The following RBFOX3 variants were observed in gnomAD, a reference collection of about 807,000 sequenced individuals.
The protein encoded by RBFOX3 is RNA binding protein fox-1 homolog 3.
In RBFOX3, 17 loss-of-function variants were observed where a neutral mutation model predicts 48.7. The ratio of observed to expected loss-of-function variants is 0.35; its 90% CI spans 0.24 to 0.52. RBFOX3 has a LOEUF of 0.52. Among genes scored for constraint, RBFOX3 ranks in the 20% least tolerant of loss-of-function variants. The probability of loss-of-function intolerance (pLI) is 0.94; values close to 1 mark genes in which losing one functional copy is unlikely to be tolerated. For missense variants in RBFOX3, 382 were observed against 497.5 expected, an observed-to-expected ratio of 0.77 and a Z score of 2.21; for synonymous variants, 212 against 209.5, an observed-to-expected ratio of 1.01 and a Z score of -0.10.
intron 3 of RBFOX3, among the ~76,000 whole-genome samples, chr17:79,268,471 T>G (rs1263406846): frequency 6.6e-6 from 1 of 152,028 alleles, no homozygotes; most frequent in Non-Finnish European, 1.5e-5. Context: ...TCAGCTGGGG[T>G]GCTGCTAACT....
At chr17:79,359,232 C>A (rs2085832871) in intron 2 of RBFOX3, among the ~76,000 whole-genome samples, 1 of 152,228 alleles carries the variant, frequency 6.6e-6, no homozygotes, top group Admixed American at 6.5e-5. Flanking sequence ...CAGCGCCTAC[C>A]CCGCCCCTCC....
rs1325439385 is a variant in RBFOX3, at chr17:79,198,568, G to A, written c.-34+37198C>T. Among the ~76,000 whole-genome samples the A allele has an allele frequency of 1.3e-5, 2 of 152,114 alleles. No homozygotes were observed. On this transcript the variant is annotated intron_variant, in intron 4 of 14. Transcript: ENST00000693108. This position sits in a 1 kb window ranked among gnomAD's most constrained non-coding sequence, Gnocchi z 8.2. ...CCAGGATGTATTGCCCATGCCACTC[G>A]TCACTCTGATAGGACTTTTAGAGAT...
At chr17:79,522,430 C>T (rs1165221475) in intron 1 of RBFOX3, among the ~76,000 whole-genome samples, 1 of 152,110 alleles carries the variant, frequency 6.6e-6, no homozygotes, top group Non-Finnish European at 1.5e-5. Context: ...GGGCTGGAGG[C>T]CTGAGGGGCC....
intron 2 of RBFOX3, among the ~76,000 whole-genome samples, chr17:79,314,914 T>C (rs114768231): frequency 0.96 from 145,589 of 151,980 alleles, 70,050 homozygotes; most frequent in East Asian, 1. Flanking sequence ...TCCTTTTTTT[T>C]TTTTTTTTAA....
At chr17:79,528,061 G>T (rs1351347170) in intron 1 of RBFOX3, among the ~76,000 whole-genome samples, 1 of 151,474 alleles carries the variant, frequency 6.6e-6, no homozygotes, top group Non-Finnish European at 1.5e-5. Context: ...CTCTGAGGAG[G>T]ATCTTAGTTG....
intron 4 of RBFOX3, among the ~76,000 whole-genome samples, chr17:79,133,023 G>C (rs1473394620): frequency 6.6e-6 from 1 of 152,206 alleles, no homozygotes; most frequent in African/African-American, 2.4e-5. Context: ...CACACAGGTA[G>C]GGGGAGCTGC....
chr17:79,296,075 G>A (rs2074287352), intron 3 of RBFOX3, among the ~76,000 whole-genome samples: 1 of 152,028 alleles, frequency 6.6e-6, no homozygotes, highest in Non-Finnish European at 1.5e-5. Flanking sequence ...GAGGGCAGGG[G>A]AGCAACGGGG....
At chr17:79,559,931 T>C (rs1313964683) in intron 1 of RBFOX3, among the ~76,000 whole-genome samples, 2 of 109,070 alleles carry the variant, frequency 1.8e-5, no homozygotes, top group African/African-American at 7.4e-5. Context: ...GATGGGTGGG[T>C]GGGTAGGTGG....
At chr17:79,224,313 C>T (rs2060074568) in intron 4 of RBFOX3, among the ~76,000 whole-genome samples, 1 of 152,170 alleles carries the variant, frequency 6.6e-6, no homozygotes, top group Non-Finnish European at 1.5e-5. Context: ...TCCATCTCCC[C>T]CAGACTCTCC....
At position 79,303,851 on chromosome 17, in the gene RBFOX3, CTGTGTGTGTGTGTGTGTGTG is replaced by C. The variant is rs34981785; in HGVS notation, c.-74+3853_-74+3872del. 3.0e-4 allele frequency among the ~76,000 whole-genome samples: 44 copies of C among 147,876 alleles called. No homozygotes were observed. In the East Asian group the frequency reaches 7.9e-3, roughly 27 times the overall value. ...TTTGTATGCATGTGTGCATGTCTGC[CTGTGTGTGTGTGTGTGTGTG>C]TGTGTGTGCATGTGTGTACTTGGCC... is the stretch of plus-strand genomic sequence containing the variant. On this transcript the variant is annotated intron_variant, in intron 3 of 14. Transcript: ENST00000693108.
At position 79,198,124 on chromosome 17, in the gene RBFOX3, CG is replaced by C. The variant is rs372102623; in HGVS notation, c.-34+37641del. On this transcript the variant is annotated intron_variant, in intron 4 of 14. Transcript: ENST00000693108. The surrounding 1 kb of genome is among the most constrained non-coding windows in gnomAD (Gnocchi z 8.2). ...CATCGTGTGGGGTGGGCTGTCATCC[CG>C]GAAGTGCTACGGTTGCATCGTGTGG... is the stretch of plus-strand genomic sequence containing the variant. Among the ~76,000 whole-genome samples the C allele has an allele frequency of 1.6e-3, 243 of 151,630 alleles. 2 individuals are homozygous for C. The highest frequency in any genetic ancestry group is 0.011 in the East Asian group (58 of 5,134).
At chr17:79,412,802 T>C (rs1036114077) in intron 2 of RBFOX3, among the ~76,000 whole-genome samples, 2 of 151,966 alleles carry the variant, frequency 1.3e-5, no homozygotes, top group African/African-American at 2.4e-5. Context: ...TGTATGTGTG[T>C]GTGCCTCTAT....
intron 3 of RBFOX3, among the ~76,000 whole-genome samples, chr17:79,257,732 C>A (rs2065115655): frequency 6.6e-6 from 1 of 152,088 alleles, no homozygotes; most frequent in South Asian, 2.1e-4. Context: ...AGGCACATGG[C>A]ACCACACCTG....
chr17:79,406,803 C>A (rs1420998969), intron 2 of RBFOX3, among the ~76,000 whole-genome samples: 10 of 152,166 alleles, frequency 6.6e-5, no homozygotes, highest in Non-Finnish European at 2.9e-5. Flanking sequence ...TGACTCCCTA[C>A]AATGCTGGAT....
At chr17:79,622,219 A>G in the RBFOX3 span, among the ~76,000 whole-genome samples, 7,543 of 152,192 alleles carry the variant, frequency 0.05, 621 homozygotes, top group African/African-American at 0.17. Context: ...CCAGACTCAC[A>G]TCTTGGCACA....
the RBFOX3 span, among the ~76,000 whole-genome samples, chr17:79,652,553 G>C: frequency 7.7e-4 from 3 of 3,890 alleles, no homozygotes; most frequent in East Asian, 0.024. Flanking sequence ...ACGAGAGAAA[G>C]AGAGGAAGGA....
At chr17:79,476,261 G>A (rs1383698206) in intron 2 of RBFOX3, among the ~76,000 whole-genome samples, 3 of 152,194 alleles carry the variant, frequency 2.0e-5, no homozygotes, top group African/African-American at 4.8e-5. Context: ...AATTGGGAGC[G>A]GTGTCCTGGG....
chr17:79,394,050 A>G (rs1293428470), intron 2 of RBFOX3, among the ~76,000 whole-genome samples: 1 of 150,098 alleles, frequency 6.7e-6, no homozygotes, highest in Admixed American at 6.6e-5. Flanking sequence ...GGAGCTGGTC[A>G]TCAGTGCACA....
chr17:79,226,332 T>A (rs2060307068), intron 4 of RBFOX3, among the ~76,000 whole-genome samples: 1 of 152,190 alleles, frequency 6.6e-6, no homozygotes, highest in African/African-American at 2.4e-5. Context: ...GCTTTAACCG[T>A]ATTAGCGTCA....
Sources: gnomAD v4.1 joint callset for allele counts (sites outside exome capture counted in the v4.1 genomes callset) on GRCh38, gnomAD v4.1.1 for gene constraint, Gnocchi (gnomAD v3.1) non-coding constraint, MANE v1.5 for transcripts, NCBI Gene and HGNC (gene_info 2026-07-23, HGNC 2026-07-21) for gene names.